ATP10B: variants seen among roughly 807,000 people sequenced by gnomAD.
ATP10B encodes phospholipid-transporting ATPase VB.
A neutral mutation model predicts 141.2 loss-of-function variants in ATP10B; 122 were observed. The ratio of observed to expected loss-of-function variants is 0.86; its 90% CI spans 0.75 to 1.00. The LOEUF is 1.00. Ranked by LOEUF, ATP10B falls within the 50% of genes least tolerant of loss-of-function variation. The pLI is 0.00. For synonymous variants in ATP10B, 685 were observed against 692.0 expected (o/e 0.99, Z 0.16); for missense variants, 1,876 against 1,825.3 (o/e 1.03, Z -0.51).
At chr5:160,658,251 G>A (rs949938879) in intron 7 of ATP10B, among the ~76,000 whole-genome samples, 1 of 152,182 alleles carries the variant, frequency 6.6e-6, no homozygotes, top group East Asian at 1.9e-4. Flanking sequence ...AGAGTGGCAA[G>A]AGCAAAGTCC....
At chr5:160,771,620 C>T (rs1769909651) in intron 2 of ATP10B, among the ~76,000 whole-genome samples, 1 of 152,160 alleles carries the variant, frequency 6.6e-6, no homozygotes. Flanking sequence ...TTAACATATT[C>T]ATAATCTCAC....
chr5:160,682,826 T>C (rs1009574525), intron 6 of ATP10B, among the ~76,000 whole-genome samples: 29 of 151,636 alleles, frequency 1.9e-4, no homozygotes, highest in Non-Finnish European at 3.8e-4. Context: ...GATCACGAAG[T>C]CAGGAGATTG....
chr5:160,694,821 T>C (rs1413368829), intron 3 of ATP10B, among the ~76,000 whole-genome samples: 1 of 152,230 alleles, frequency 6.6e-6, no homozygotes, highest in Non-Finnish European at 1.5e-5. Flanking sequence ...TGGGAGATTT[T>C]AAACATACAC....
At chr5:160,671,828 A>C (rs1561733660) in intron 6 of ATP10B, among the ~76,000 whole-genome samples, 2 of 152,110 alleles carry the variant, frequency 1.3e-5, no homozygotes, top group African/African-American at 2.4e-5. Flanking sequence ...AAAGTCTCAC[A>C]AAAACAGAGC....
At chr5:160,667,255 A>C (rs984216178) in intron 7 of ATP10B, among the ~76,000 whole-genome samples, 29 of 151,862 alleles carry the variant, frequency 1.9e-4, no homozygotes, top group African/African-American at 6.8e-4. Context: ...CAAAACAAAA[A>C]ACTGAGGCTC....
At chr5:160,832,975 C>A (rs1775194134) in intron 1 of ATP10B, among the ~76,000 whole-genome samples, 1 of 152,122 alleles carries the variant, frequency 6.6e-6, no homozygotes, top group Admixed American at 6.6e-5. Context: ...CTTTTCATGG[C>A]ATGTGTGCCA....
intron 2 of ATP10B, 122 bp from the exon 3 acceptor site, chr5:160,717,156 A>T: frequency 1.5e-6 from 1 of 660,014 alleles, no homozygotes; most frequent in Non-Finnish European, 1.9e-6. Flanking sequence ...TTTGAATTTT[A>T]CATATACTTA....
chr5:160,870,659 C>T, the ATP10B span, among the ~76,000 whole-genome samples: 1 of 151,678 alleles, frequency 6.6e-6, no homozygotes, highest in Non-Finnish European at 1.5e-5. Flanking sequence ...ATGTTTGAAA[C>T]AATACTGGCT....
chr5:160,628,338 G>C (rs1758717914), intron 13 of ATP10B, among the ~76,000 whole-genome samples: 1 of 152,208 alleles, frequency 6.6e-6, no homozygotes, highest in Non-Finnish European at 1.5e-5. Flanking sequence ...GTACAGATAG[G>C]CTTCACTGCT....
At chr5:160,687,231 G>C (rs72818542) in intron 5 of ATP10B, among the ~76,000 whole-genome samples, 1 of 152,084 alleles carries the variant, frequency 6.6e-6, no homozygotes, top group African/African-American at 2.4e-5. Context: ...ACTAATGTCT[G>C]TCTCTTTTAC....
intron 24 of ATP10B, among the ~76,000 whole-genome samples, chr5:160,586,120 C>T (rs543352036): frequency 6.6e-6 from 1 of 152,208 alleles, no homozygotes; most frequent in East Asian, 1.9e-4. Flanking sequence ...TAATGCTCTC[C>T]CTCCGCTTGT....
chr5:160,724,708 C>G (rs1581419053), intron 2 of ATP10B, among the ~76,000 whole-genome samples: 1 of 152,238 alleles, frequency 6.6e-6, no homozygotes, highest in East Asian at 1.9e-4. Context: ...CATGTGCCCC[C>G]TCAAAGACTT....
At chr5:160,674,498 C>G (rs537474275) in intron 6 of ATP10B, among the ~76,000 whole-genome samples, 3 of 152,308 alleles carry the variant, frequency 2.0e-5, no homozygotes, top group African/African-American at 7.2e-5. Flanking sequence ...CTCTTCTTTA[C>G]ATTACTTGCT....
the ATP10B span, among the ~76,000 whole-genome samples, chr5:160,902,653 A>C: frequency 6.6e-6 from 1 of 152,172 alleles, no homozygotes; most frequent in Non-Finnish European, 1.5e-5. Context: ...TGATAGAGAA[A>C]AGTTTGGGCA....
At chr5:160,916,565 G>A in the ATP10B span, among the ~76,000 whole-genome samples, 21 of 152,092 alleles carry the variant, frequency 1.4e-4, no homozygotes, top group Non-Finnish European at 4.4e-5. Flanking sequence ...CCTAAGCATC[G>A]CACATGTTTA....
At chr5:160,874,156 C>G in the ATP10B span, among the ~76,000 whole-genome samples, 3 of 152,120 alleles carry the variant, frequency 2.0e-5, no homozygotes, top group Admixed American at 1.3e-4. Flanking sequence ...TTGAAGAGAG[C>G]AGTGGTTCTC....
Position 160,620,816 on chromosome 5 carries a change from C to T in ATP10B, c.1947G>A (p.Glu649=). ...TGGTGGCCACGTTGGCCCCTAAGCTCTCCCCGAGGTCTGTGTCAGAGGGTG... is the reference window on the plus strand; with the variant it reads ...TGGTGGCCACGTTGGCCCCTAAGCTTTCCCCGAGGTCTGTGTCAGAGGGTG... ...STAPSDTDLG[E]SLGANVATTD... Residue 649 remains glutamate (E), a synonymous_variant, in exon 15 of 26, where the codon GAG becomes GAA. Coordinates refer to ENST00000327245, the MANE Select transcript of ATP10B (RefSeq NM_025153.3). 6.2e-7 allele frequency: 1 copy of T among 1,614,216 alleles called. No individual in the cohort carries two copies. Among genetic ancestry groups the T allele is most frequent in the Non-Finnish European group, 8.5e-7 (1 of 1,180,046 alleles).
At chr5:160,839,163 AACTG>A (rs1329113339) in intron 1 of ATP10B, among the ~76,000 whole-genome samples, 1 of 152,182 alleles carries the variant, frequency 6.6e-6, no homozygotes, top group Non-Finnish European at 1.5e-5. Flanking sequence ...TAAAGCAAAA[AACTG>A]ACTAATACAA....
At chr5:160,647,244 C>T (rs1278195818) in intron 8 of ATP10B, among the ~76,000 whole-genome samples, 3 of 152,166 alleles carry the variant, frequency 2.0e-5, no homozygotes, top group African/African-American at 7.2e-5. Flanking sequence ...TCTGGGAAAC[C>T]CAGAGGCATC....
Sources: gnomAD v4.1 joint callset for allele counts (sites outside exome capture counted in the v4.1 genomes callset) on GRCh38, gnomAD v4.1.1 for gene constraint, MANE v1.5 for transcripts, NCBI Gene and HGNC (gene_info 2026-07-23, HGNC 2026-07-21) for gene names.